DIP2A: variants seen among roughly 807,000 people sequenced by gnomAD.
DIP2A encodes disco-interacting protein 2 homolog A.
DIP2A carries 85 observed loss-of-function variants against 177.4 expected under a neutral mutation model. The ratio of observed to expected loss-of-function variants is 0.48; its 90% confidence interval spans 0.40 to 0.57. The LOEUF is 0.57. Ranked by LOEUF, DIP2A falls within the 20% of genes least tolerant of loss-of-function variation. The probability of loss-of-function intolerance (pLI) is 0.00; values close to 1 mark genes in which losing one functional copy is unlikely to be tolerated. For missense variants in DIP2A, 1,791 were observed against 2,100.2 expected (o/e 0.85, Z 2.88); for synonymous variants, 886 against 881.8 (o/e 1.00, Z -0.08).
chr21:46,554,007 AAAG>A lies in DIP2A; in HGVS notation c.3031-160_3031-158del, dbSNP rs546526934. On this transcript the variant is annotated intron_variant, in intron 25 of 37. Transcript: ENST00000417564. ...GGTGAAACCCCATCTCTACCAAAAA[AAAG>A]ACACCAGCCGTACGTCTAGGACTGA... is the stretch of plus-strand genomic sequence containing the variant. 2,469 of 978,724 alleles carry A rather than the reference AAAG, an allele frequency of 2.5e-3. 9 individuals are homozygous for A. Among genetic ancestry groups the A allele is most frequent in the Non-Finnish European group, 3.1e-3 (2,172 of 706,708 alleles). 60.6% of individuals were successfully genotyped at this position (978,724 alleles called of 1,614,324 possible). A position where few individuals can be genotyped will look rare whatever the true frequency, so the allele number is the denominator to read the frequency against.
intron 5 of DIP2A, among the ~76,000 whole-genome samples, chr21:46,503,817 C>T (rs2057830485): frequency 6.6e-6 from 1 of 152,086 alleles, no homozygotes; most frequent in African/African-American, 2.4e-5. Context: ...CCTCCGCCTC[C>T]TGGGTTCAAG....
At chr21:46,504,199 G>A in intron 5 of DIP2A, 162 bp from the exon 6 acceptor site, 3 of 928,862 alleles carry the variant, frequency 3.2e-6, no homozygotes, top group East Asian at 5.3e-5. Flanking sequence ...TAGGGTCCCA[G>A]TATGCCTTTG....
intron 8 of DIP2A, among the ~76,000 whole-genome samples, chr21:46,525,049 C>G (rs1199725703): frequency 6.6e-6 from 1 of 151,750 alleles, no homozygotes; most frequent in Non-Finnish European, 1.5e-5. Flanking sequence ...CCAGGCCTGG[C>G]TAATTTTTTG....
chr21:46,538,493 G>A lies in DIP2A; in HGVS notation c.1812G>A (p.Ala604=), dbSNP rs753086567. 29 of 1,546,654 alleles carry A rather than the reference G, an allele frequency of 1.9e-5. No homozygotes were observed. The highest frequency in any genetic ancestry group is 9.8e-5 in the Admixed American group (5 of 51,230). ...ATCCTCTCTCTGCAGCTCGGGCCGC[G>A]CTGGTGAAGTCGCGAGACATGCACT... ...QKVCFYKARA[A]LVKSRDMHWS... The change falls in exon 16 of 38, where the codon GCG becomes GCA. Residue 604 remains alanine, a synonymous_variant. Transcript: ENST00000417564.
intron 1 of DIP2A, among the ~76,000 whole-genome samples, chr21:46,465,480 A>G (rs1189506255): frequency 6.6e-6 from 1 of 152,202 alleles, no homozygotes; most frequent in Admixed American, 6.5e-5. Context: ...AGGCTGAGGC[A>G]GGAGAATCGC....
intron 1 of DIP2A, among the ~76,000 whole-genome samples, chr21:46,479,277 A>T (rs1231589492): frequency 6.6e-6 from 1 of 152,188 alleles, no homozygotes; most frequent in African/African-American, 2.4e-5. Flanking sequence ...AAAAACTTTA[A>T]TGTGATCTTT....
At position 46,568,659 on chromosome 21, in the gene DIP2A, T is replaced by G. The variant is rs1377356229; in HGVS notation, c.*1037T>G. Reference sequence around the variant, plus strand: ...TTTAGTTTTAAATCACTTTCCTGGTTTGTAACTTGATGCTGTTTAGTTAAA... The same window carrying G: ...TTTAGTTTTAAATCACTTTCCTGGTGTGTAACTTGATGCTGTTTAGTTAAA... On this transcript the variant is annotated 3_prime_UTR_variant, in exon 38 of 38. Coordinates refer to ENST00000417564, the MANE Select transcript of DIP2A (RefSeq NM_015151.4). 1 of 152,252 alleles carries G rather than the reference T, an allele frequency of 6.6e-6. No homozygotes were observed. Among genetic ancestry groups the G allele is most frequent in the Non-Finnish European group, 1.5e-5 (1 of 68,038 alleles). 9.4% of individuals were successfully genotyped at this position (152,252 alleles called of 1,614,324 possible).
chr21:46,528,568 T>TTTTA lies in DIP2A; in HGVS notation c.1103-524_1103-523insTTTA, dbSNP rs1569043246. Among the ~76,000 whole-genome samples, 277 of 90,622 alleles carry TTTTA rather than the reference T, an allele frequency of 3.1e-3. 32 individuals carry two copies. The highest frequency in any genetic ancestry group is 5.4e-3 in the East Asian group (12 of 2,220). 59.5% of individuals were successfully genotyped at this position (90,622 alleles called of 152,430 possible). ...TTTTTTTTTTTTTTTTTTTTTTTTT[T>TTTTA]AGATAATGTCTTTATTGCCCAGGCT... is the stretch of plus-strand genomic sequence containing the variant. On this transcript the variant is annotated intron_variant, in intron 8 of 37. Transcript: ENST00000417564.
At chr21:46,475,078 C>T (rs1390042554) in intron 1 of DIP2A, among the ~76,000 whole-genome samples, 1 of 1,264 alleles carries the variant, frequency 7.9e-4, no homozygotes. Flanking sequence ...AGAGACTCTT[C>T]TCCACTTAAC....
chr21:46,492,187 ATCAAAAGTTTACTTTTT>A (rs761247717), intron 3 of DIP2A, among the ~76,000 whole-genome samples: 69 of 152,184 alleles, frequency 4.5e-4, no homozygotes, highest in Non-Finnish European at 7.9e-4. Context: ...CAAGGTATGA[ATCAAAAGTTTACTTTTT>A]TGCATGGAGG....
In DIP2A at chr21:46,564,418, G is replaced by A. The variant is rs534794782; in HGVS notation, c.4164+486G>A. Among the ~76,000 whole-genome samples the A allele has an allele frequency of 5.3e-5, 8 of 152,342 alleles. No individual in the cohort carries two copies. The South Asian group carries it at 6.2e-4, about 12-fold the overall frequency. ...CACAGTGGAGGGTGCGGGTCTCCCT[G>A]AGAACACAGAGGCTATACAGGAATC... On this transcript the variant is annotated intron_variant, in intron 35 of 37. Transcript: ENST00000417564.
At position 46,497,110 on chromosome 21, in the gene DIP2A, A is replaced by G. The variant is rs1311682952; in HGVS notation, c.403+3A>G. 1.3e-6 allele frequency: 2 copies of G among 1,591,702 alleles called. No homozygotes were observed. The highest frequency in any genetic ancestry group is 1.8e-5 in the Admixed American group (1 of 56,824). On this transcript the variant is annotated splice_donor_region_variant and intron_variant, in intron 4 of 37. Coordinates refer to ENST00000417564, the MANE Select transcript of DIP2A (RefSeq NM_015151.4). ...TGTGGAAACCTACACCCCTCCAGGTATTGATAAACAATGTCAAGTGTGGCT... is the reference window on the plus strand; with the variant it reads ...TGTGGAAACCTACACCCCTCCAGGTGTTGATAAACAATGTCAAGTGTGGCT...
intron 13 of DIP2A, among the ~76,000 whole-genome samples, chr21:46,535,568 G>T (rs1425461161): frequency 6.6e-6 from 1 of 152,060 alleles, no homozygotes; most frequent in Non-Finnish European, 1.5e-5. Context: ...AAAAAAGGGA[G>T]AAATTTTAAA....
chr21:46,576,308 T>G, the DIP2A span, among the ~76,000 whole-genome samples: 1 of 152,122 alleles, frequency 6.6e-6, no homozygotes, highest in Admixed American at 6.6e-5. Context: ...CAGTGTGTGT[T>G]GTTCCCCTCT....
intron 1 of DIP2A, chr21:46,469,318 TA>T (rs2055147746): frequency 6.6e-6 from 1 of 152,252 alleles, no homozygotes; most frequent in Admixed American, 6.5e-5. Flanking sequence ...TTAGCTTTTT[TA>T]CAGCAGTTTT....
At chr21:46,519,866 T>C (rs2058746345) in intron 8 of DIP2A, among the ~76,000 whole-genome samples, 1 of 51,778 alleles carries the variant, frequency 1.9e-5, no homozygotes, top group Non-Finnish European at 4.3e-5. Context: ...TTTTTTTTTT[T>C]TTTTTTTTTT....
intron 1 of DIP2A, among the ~76,000 whole-genome samples, chr21:46,472,346 C>T (rs1845054393): frequency 6.6e-6 from 1 of 152,220 alleles, no homozygotes; most frequent in African/African-American, 2.4e-5. Context: ...TCTGTTACGG[C>T]AGCCTGAACA....
chr21:46,580,342 G>A, the DIP2A span, among the ~76,000 whole-genome samples: 2 of 152,070 alleles, frequency 1.3e-5, no homozygotes, highest in Admixed American at 1.3e-4. Flanking sequence ...ATGTGTCTTT[G>A]CATGTGAGAG....
intron 32 of DIP2A, among the ~76,000 whole-genome samples, chr21:46,559,505 C>T (rs891652834): frequency 1.3e-5 from 2 of 152,232 alleles, no homozygotes; most frequent in African/African-American, 4.8e-5. Flanking sequence ...AAGCCTCAGA[C>T]CCTTGTCACG....
Sources: gnomAD v4.1 joint callset for allele counts (sites outside exome capture counted in the v4.1 genomes callset) on GRCh38, gnomAD v4.1.1 for gene constraint, MANE v1.5 for transcripts, NCBI Gene and HGNC (gene_info 2026-07-23, HGNC 2026-07-21) for gene names.